Variants in ULK4 observed in about 807,000 individuals in gnomAD.
ULK4 encodes unc-51 like kinase 4, also known as inactive serine/threonine-protein kinase ULK4.
Under a neutral mutation model 160.6 loss-of-function variants are expected in ULK4, and 133 were observed. That is an observed-to-expected ratio of 0.83 (90% CI 0.72 to 0.96). The LOEUF (loss-of-function observed/expected upper bound fraction) is 0.96, where lower values mean the gene tolerates loss of function less well. Among genes scored for constraint, ULK4 ranks in the 40% least tolerant of loss-of-function variants. The pLI is 0.00. For synonymous variants in ULK4, 534 were observed against 539.8 expected (o/e 0.99, Z 0.15); for missense variants, 1,580 against 1,499.5 (o/e 1.05, Z -0.89).
At chr3:41,357,042 T>C (rs1019294431) in intron 35 of ULK4, among the ~76,000 whole-genome samples, 1 of 152,116 alleles carries the variant, frequency 6.6e-6, no homozygotes, top group African/African-American at 2.4e-5. Context: ...TTTCCACTTT[T>C]CAGGCATCTT....
intron 34 of ULK4, among the ~76,000 whole-genome samples, chr3:41,412,430 C>T (rs1227247559): frequency 1.3e-5 from 2 of 149,098 alleles, no homozygotes; most frequent in African/African-American, 2.5e-5. Context: ...AATTGACAAG[C>T]CATGTCAAAG....
At chr3:41,794,404 G>A (rs1352208470) in intron 20 of ULK4, among the ~76,000 whole-genome samples, 1 of 152,022 alleles carries the variant, frequency 6.6e-6, no homozygotes, top group African/African-American at 2.4e-5. Flanking sequence ...TGTGGCTCAC[G>A]CCTGTAATCC....
intron 35 of ULK4, among the ~76,000 whole-genome samples, chr3:41,397,187 A>C (rs1344381296): frequency 6.6e-6 from 1 of 152,128 alleles, no homozygotes; most frequent in African/African-American, 2.4e-5. Flanking sequence ...GTGGCCTTCA[A>C]AATCAGCAGG....
chr3:41,492,316 C>G (rs2084805396), intron 32 of ULK4, among the ~76,000 whole-genome samples: 1 of 152,090 alleles, frequency 6.6e-6, no homozygotes, highest in Non-Finnish European at 1.5e-5. Context: ...CACTGACTTC[C>G]ACAATGGTTG....
At chr3:41,498,380 T>TA (rs2085066264) in intron 32 of ULK4, among the ~76,000 whole-genome samples, 1 of 152,094 alleles carries the variant, frequency 6.6e-6, no homozygotes, top group Non-Finnish European at 1.5e-5. Flanking sequence ...CAATGGAGCT[T>TA]AAAAAGAGTT....
chr3:41,771,798 C>G (rs75043234), intron 21 of ULK4, among the ~76,000 whole-genome samples: 1 of 152,090 alleles, frequency 6.6e-6, no homozygotes, highest in East Asian at 1.9e-4. Flanking sequence ...ATATATAATA[C>G]CAATCCTTTT....
chr3:41,464,006 TAA>T (rs11395404), intron 32 of ULK4, among the ~76,000 whole-genome samples: 43,297 of 144,528 alleles, frequency 0.3, 6,648 homozygotes, highest in African/African-American at 0.4. Context: ...TCAGATGTTC[TAA>T]AAAAAAAAAA....
intron 31 of ULK4, among the ~76,000 whole-genome samples, chr3:41,600,189 C>T (rs181849769): frequency 1.3e-5 from 2 of 152,248 alleles, no homozygotes; most frequent in East Asian, 3.9e-4. Context: ...ACCTATCCAC[C>T]ACCACTCCTC....
chr3:41,416,734 A>G (rs555343499), intron 34 of ULK4, among the ~76,000 whole-genome samples: 1 of 152,322 alleles, frequency 6.6e-6, no homozygotes, highest in South Asian at 2.1e-4. Flanking sequence ...GCTGCAACAC[A>G]GGGCCTGAAA....
At chr3:41,772,750 TGG>T (rs933423654) in intron 21 of ULK4, among the ~76,000 whole-genome samples, 2 of 152,126 alleles carry the variant, frequency 1.3e-5, no homozygotes, top group Non-Finnish European at 2.9e-5. Flanking sequence ...TACCAAAGCC[TGG>T]CAGAGACACA....
chr3:41,513,058 T>TA (rs1301611316), intron 32 of ULK4, among the ~76,000 whole-genome samples: 8 of 152,176 alleles, frequency 5.3e-5, no homozygotes, highest in African/African-American at 1.9e-4. Context: ...GAGGACACCC[T>TA]ATTCAACAAA....
intron 21 of ULK4, among the ~76,000 whole-genome samples, chr3:41,781,469 A>G (rs1383035915): frequency 5.3e-5 from 8 of 151,888 alleles, no homozygotes; most frequent in Non-Finnish European, 7.4e-5. Flanking sequence ...TATTTTGAGA[A>G]TGTATTAATT....
chr3:41,434,845 A>G (rs1377489886), intron 34 of ULK4, among the ~76,000 whole-genome samples: 1 of 152,198 alleles, frequency 6.6e-6, no homozygotes, highest in Non-Finnish European at 1.5e-5. Flanking sequence ...GTTTGAATTG[A>G]CTTTTTAAAA....
intron 32 of ULK4, among the ~76,000 whole-genome samples, chr3:41,501,681 C>T (rs759102265): frequency 4.6e-5 from 7 of 152,134 alleles, no homozygotes; most frequent in Non-Finnish European, 8.8e-5. Flanking sequence ...AAAATCTACT[C>T]TCTTGGCAAC....
At chr3:41,404,527 T>C (rs1486177422) in intron 34 of ULK4, among the ~76,000 whole-genome samples, 6 of 152,208 alleles carry the variant, frequency 3.9e-5, no homozygotes, top group Non-Finnish European at 8.8e-5. Flanking sequence ...GTTACTCTGC[T>C]ATGGTTTGAA....
chr3:41,824,592 C>T (rs1457231797), intron 18 of ULK4, among the ~76,000 whole-genome samples: 1 of 152,210 alleles, frequency 6.6e-6, no homozygotes, highest in Admixed American at 6.5e-5. Context: ...TGAGATCAAA[C>T]TGCAAGGCAG....
chr3:41,449,588 T>C (rs1232433908), intron 34 of ULK4, among the ~76,000 whole-genome samples: 3 of 151,944 alleles, frequency 2.0e-5, no homozygotes, highest in African/African-American at 7.3e-5. Context: ...ATAATCACCA[T>C]AAAGCATTAC....
At chr3:41,332,953 T>C (rs2080477222) in intron 35 of ULK4, among the ~76,000 whole-genome samples, 1 of 152,212 alleles carries the variant, frequency 6.6e-6, no homozygotes, top group South Asian at 2.1e-4. Context: ...AAATATTTTC[T>C]AGTCATCTCA....
chr3:41,874,848 A>T (rs1697241361), intron 17 of ULK4, among the ~76,000 whole-genome samples: 1 of 152,230 alleles, frequency 6.6e-6, no homozygotes, highest in Non-Finnish European at 1.5e-5. Context: ...TCCAAAAGCT[A>T]TTGAAATAAA....
Sources: gnomAD v4.1 joint callset for allele counts (sites outside exome capture counted in the v4.1 genomes callset) on GRCh38, gnomAD v4.1.1 for gene constraint, MANE v1.5 for transcripts, NCBI Gene and HGNC (gene_info 2026-07-23, HGNC 2026-07-21) for gene names.